STRADA: variants seen among roughly 807,000 people sequenced by gnomAD.
STRADA encodes STE20 related adaptor alpha.
STRADA carries 26 observed loss-of-function variants against 55.0 expected under a neutral mutation model. The ratio of observed to expected loss-of-function variants is 0.47; its 90% confidence interval spans 0.35 to 0.66. The LOEUF (loss-of-function observed/expected upper bound fraction) is 0.66. STRADA is among the 30% of genes least tolerant of loss of function. The pLI is 0.01. For missense variants in STRADA, 443 were observed against 549.7 expected (o/e 0.81, Z 1.94); for synonymous variants, 197 against 210.9 (o/e 0.93, Z 0.57).
At chr17:63,731,015 C>T (rs2038004484) in intron 1 of STRADA, among the ~76,000 whole-genome samples, 1 of 151,882 alleles carries the variant, frequency 6.6e-6, no homozygotes, top group South Asian at 2.1e-4. Context: ...GTGATCTTGG[C>T]TCACTGCAAC....
chr17:63,704,808 G>A (rs1049879753), intron 10 of STRADA: 2 of 1,534,876 alleles, frequency 1.3e-6, no homozygotes, highest in African/African-American at 2.7e-5. Context: ...GAGAGGGGTT[G>A]CACAAAAGTA....
intron 8 of STRADA, among the ~76,000 whole-genome samples, chr17:63,709,710 G>A (rs2143831891): frequency 6.6e-6 from 1 of 152,252 alleles, no homozygotes; most frequent in Non-Finnish European, 1.5e-5. Flanking sequence ...TTACATAGAA[G>A]CCTTTAATCC....
chr17:63,708,003 C>T (rs1017874225), intron 8 of STRADA, among the ~76,000 whole-genome samples: 23 of 152,076 alleles, frequency 1.5e-4, no homozygotes, highest in African/African-American at 4.6e-4. Flanking sequence ...TCCCAAAGTG[C>T]TAGGATTACC....
chr17:63,722,022 CTG>C (rs2037354014), intron 4 of STRADA, among the ~76,000 whole-genome samples: 1 of 152,216 alleles, frequency 6.6e-6, no homozygotes, highest in Non-Finnish European at 1.5e-5. Context: ...GTTCATCACA[CTG>C]TTTCAGTTTT....
In STRADA at chr17:63,728,324, A is replaced by G. The variant is rs2037790145; in HGVS notation, c.36+10T>C. 1 of 1,613,296 alleles carries G rather than the reference A, an allele frequency of 6.2e-7. No homozygotes were observed. On this transcript the variant is annotated intron_variant, in intron 2 of 12. Coordinates refer to ENST00000336174, the MANE Select transcript of STRADA (RefSeq NM_001003787.4). Reference sequence around the variant, plus strand: ...AAATAGTAAAGCCAGAAGAATAGAAAAACACTCACCCTGATTCGCTCTGGT... The same window carrying G: ...AAATAGTAAAGCCAGAAGAATAGAAGAACACTCACCCTGATTCGCTCTGGT...
At chr17:63,709,653 A>C (rs1302972135) in intron 8 of STRADA, among the ~76,000 whole-genome samples, 1 of 152,220 alleles carries the variant, frequency 6.6e-6, no homozygotes, top group African/African-American at 2.4e-5. Flanking sequence ...CAGGTCACAA[A>C]AACATTTTCT....
In STRADA at chr17:63,732,990, C is replaced by T. The variant is rs529066609; in HGVS notation, c.-44-4577G>A. Among the ~76,000 whole-genome samples, 8 of 152,172 alleles carry T rather than the reference C, an allele frequency of 5.3e-5. No homozygotes were observed. In the South Asian group the frequency reaches 1.2e-3, roughly 24 times the overall value. ...GCAACCTCCACCTCCCAGGTTCATGCGATTCTCCTGCCTCGGCCTCCCAAG... is the reference window on the plus strand; with the variant it reads ...GCAACCTCCACCTCCCAGGTTCATGTGATTCTCCTGCCTCGGCCTCCCAAG... On this transcript the variant is annotated intron_variant, in intron 1 of 12. Transcript: ENST00000336174.
chr17:63,720,551 G>A (rs1199856287), intron 4 of STRADA, among the ~76,000 whole-genome samples: 1 of 151,658 alleles, frequency 6.6e-6, no homozygotes, highest in African/African-American at 2.4e-5. Context: ...GAGGCAGGCG[G>A]ATCACAAGGT....
intron 1 of STRADA, chr17:63,737,386 T>C (rs2038529024): frequency 1.2e-5 from 1 of 84,036 alleles, no homozygotes; most frequent in Non-Finnish European, 2.2e-5. Context: ...GTTTTGTGAA[T>C]AATACTTACA....
In STRADA at chr17:63,703,067, G is replaced by A; in HGVS notation, c.*532C>T. 6.4e-6 allele frequency: 1 copy of A among 156,736 alleles called. No homozygotes were observed. Among genetic ancestry groups the A allele is most frequent in the South Asian group, 1.9e-4 (1 of 5,298 alleles). 9.7% of individuals were successfully genotyped at this position (156,736 alleles called of 1,614,324 possible). A position where few individuals can be genotyped will look rare whatever the true frequency, so the allele number is the denominator to read the frequency against. On this transcript the variant is annotated 3_prime_UTR_variant, in exon 13 of 13. Coordinates refer to ENST00000336174, the MANE Select transcript of STRADA (RefSeq NM_001003787.4). ...GCCAGAAGAGGGATAAGGATGGACT[G>A]TTCCAGCCTTAGTCTGTGCTTAAAA...
At chr17:63,722,888 T>G (rs1217344792) in intron 4 of STRADA, among the ~76,000 whole-genome samples, 1 of 152,222 alleles carries the variant, frequency 6.6e-6, no homozygotes, top group Non-Finnish European at 1.5e-5. Flanking sequence ...TGTCTTATTA[T>G]CTAGGCAGAG....
chr17:63,729,693 AAAG>A (rs2037892607), intron 1 of STRADA, among the ~76,000 whole-genome samples: 2 of 151,842 alleles, frequency 1.3e-5, no homozygotes. Flanking sequence ...GGAGGCTGAG[AAAG>A]AAGAATTGCT....
chr17:63,740,619 A>G (rs1381701346), intron 1 of STRADA, among the ~76,000 whole-genome samples: 1 of 152,236 alleles, frequency 6.6e-6, no homozygotes, highest in African/African-American at 2.4e-5. Flanking sequence ...TGAGCAGCTC[A>G]CAAGTATTAT....
In STRADA at chr17:63,710,588, G is replaced by A. The variant is rs2036432298; in HGVS notation, c.484C>T (p.His162Tyr). The change falls in exon 8 of 13, where the codon CAC becomes TAC. Residue 162 changes from histidine (H) to tyrosine (Y), a missense_variant. Physicochemically the swap from His to Tyr is moderately conservative, Grantham distance 83 (BLOSUM62 2). Coordinates refer to ENST00000336174, the MANE Select transcript of STRADA (RefSeq NM_001003787.4). The part of the protein sequence containing the change: ...YGSAKDLICT[H>Y]FMDGMNELAI... ...AGCTCATTCATGCCATCCATGAAGT[G>A]TGTACAGATGAGATCTTTTGCAGAA... 1 of 1,613,938 alleles carries A rather than the reference G, an allele frequency of 6.2e-7. No homozygotes were observed. The highest frequency in any genetic ancestry group is 1.7e-5 in the Admixed American group (1 of 59,994).
chr17:63,735,826 G>T (rs551179468), intron 1 of STRADA, among the ~76,000 whole-genome samples: 1 of 152,158 alleles, frequency 6.6e-6, no homozygotes, highest in Non-Finnish European at 1.5e-5. Context: ...ACAAAACTGC[G>T]CAATAAGGAA....
At position 63,703,528 on chromosome 17, in the gene STRADA, C is replaced by T; in HGVS notation, c.*71G>A. 1 of 1,444,364 alleles carries T rather than the reference C, an allele frequency of 6.9e-7. No homozygotes were observed. The allele number at this position is 1,444,364 out of a possible 1,614,324, so 89.5% of individuals were successfully genotyped here. Reference sequence around the variant, plus strand: ...TCTGCCCAGGAGGGCGGGAATGTGGCCGGCCCTCAGGAAGGGCCTCTGGGT... The same window carrying T: ...TCTGCCCAGGAGGGCGGGAATGTGGTCGGCCCTCAGGAAGGGCCTCTGGGT... On this transcript the variant is annotated 3_prime_UTR_variant, in exon 13 of 13. Transcript: ENST00000336174.
At chr17:63,736,903 T>C (rs971238172) in intron 1 of STRADA, among the ~76,000 whole-genome samples, 1 of 111,634 alleles carries the variant, frequency 9.0e-6, no homozygotes, top group African/African-American at 3.5e-5. Context: ...ATTAAAACTA[T>C]ATTTTAAAAG....
At chr17:63,707,083 T>C (rs969529224) in intron 9 of STRADA, among the ~76,000 whole-genome samples, 164 bp downstream of exon 9, 1 of 152,144 alleles carries the variant, frequency 6.6e-6, no homozygotes, top group African/African-American at 2.4e-5. Context: ...AGGAACCACA[T>C]CCATCTGCAG....
chr17:63,719,650 A>G (rs1283268360), intron 4 of STRADA, among the ~76,000 whole-genome samples: 1 of 151,876 alleles, frequency 6.6e-6, no homozygotes, highest in Non-Finnish European at 1.5e-5. Context: ...TGCCCGGCTA[A>G]TTTTTGCATT....
Sources: allele counts gnomAD v4.1 joint callset (sites outside exome capture counted in the v4.1 genomes callset), GRCh38; gene constraint gnomAD v4.1.1; transcripts MANE v1.5; gene names NCBI Gene and HGNC (gene_info 2026-07-23, HGNC 2026-07-21).